Variants in WWOX observed in about 807,000 individuals in gnomAD.
WWOX encodes WW domain-containing oxidoreductase.
Under a neutral mutation model 46.2 loss-of-function variants are expected in WWOX, and 69 were observed. That is an observed-to-expected ratio of 1.49 (90% confidence interval 1.23 to 1.82). The LOEUF (loss-of-function observed/expected upper bound fraction) is 1.82. Ranked by LOEUF, WWOX falls within the 40% of genes most tolerant of loss-of-function variation. The pLI is 0.00. For synonymous variants in WWOX, 359 were observed against 202.6 expected, an observed-to-expected ratio of 1.77 and a Z score of -6.56; for missense variants, 919 against 542.6, an observed-to-expected ratio of 1.69 and a Z score of -6.89.
At chr16:78,403,655 T>C (rs949795679) in intron 6 of WWOX, among the ~76,000 whole-genome samples, 2 of 152,096 alleles carry the variant, frequency 1.3e-5, no homozygotes, top group East Asian at 1.9e-4. Flanking sequence ...ATACCAGTCA[T>C]CCCCCCTGTG....
intron 5 of WWOX, among the ~76,000 whole-genome samples, chr16:78,219,327 T>C (rs1281709092): frequency 6.6e-6 from 1 of 152,226 alleles, no homozygotes; most frequent in Admixed American, 6.5e-5. Context: ...ATTTGCGCCA[T>C]CTACTAATCT....
rs555606222 is a variant in WWOX, at chr16:78,138,190, C to G, written c.409+23036C>G. 9.3e-5 allele frequency among the ~76,000 whole-genome samples: 14 copies of G among 150,966 alleles called. 2 individuals carry two copies. The South Asian group carries it at 2.5e-3, about 27-fold the overall frequency. ...GACAACGCCAGTCCCTCTGATAATC[C>G]TGCAAGAGCCAGCCCAGTTTTGCTG... On this transcript the variant is annotated intron_variant, in intron 4 of 8. Transcript: ENST00000566780.
intron 8 of WWOX, among the ~76,000 whole-genome samples, chr16:78,708,898 T>C (rs1007971629): frequency 7.2e-5 from 11 of 152,348 alleles, no homozygotes; most frequent in African/African-American, 2.6e-4. Flanking sequence ...TTGACTGATG[T>C]GTTTCAAGAG....
chr16:78,622,900 T>C (rs2046224254), intron 8 of WWOX, among the ~76,000 whole-genome samples: 1 of 152,032 alleles, frequency 6.6e-6, no homozygotes, highest in Admixed American at 6.6e-5. Context: ...TAAGAGAGTC[T>C]CTCTCTCCAT....
At chr16:78,594,632 C>A (rs1483867219) in intron 8 of WWOX, among the ~76,000 whole-genome samples, 1 of 152,060 alleles carries the variant, frequency 6.6e-6, no homozygotes, top group African/African-American at 2.4e-5. Flanking sequence ...GGGATGATAG[C>A]CCCAGTGCAG....
At chr16:78,924,295 AG>A (rs2045448610) in intron 8 of WWOX, among the ~76,000 whole-genome samples, 1 of 152,226 alleles carries the variant, frequency 6.6e-6, no homozygotes, top group African/African-American at 2.4e-5. Flanking sequence ...TTTTAGGATT[AG>A]GAAGGCTTTT....
intron 8 of WWOX, among the ~76,000 whole-genome samples, chr16:78,795,615 C>G (rs1400009702): frequency 6.6e-6 from 1 of 152,212 alleles, no homozygotes; most frequent in Non-Finnish European, 1.5e-5. Context: ...CCACGCCTCA[C>G]TAATGGAACA....
At position 78,433,690 on chromosome 16, in the gene WWOX, G is replaced by T. The variant is rs532068585; in HGVS notation, c.1056+938G>T. Among the ~76,000 whole-genome samples, 8 of 150,736 alleles carry T rather than the reference G, an allele frequency of 5.3e-5. 1 individual carries two copies. Among genetic ancestry groups the T allele is most frequent in the Non-Finnish European group, 8.8e-5 (6 of 67,816 alleles). On this transcript the variant is annotated intron_variant, in intron 8 of 8. Transcript: ENST00000566780. ...ACTATTGCAGGCCTATTATCCTCCA[G>T]CTGATCTCACGACCTTGGAAACTGT...
intron 8 of WWOX, among the ~76,000 whole-genome samples, chr16:79,071,087 T>G (rs1019646361): frequency 6.6e-6 from 1 of 152,208 alleles, no homozygotes; most frequent in Admixed American, 6.5e-5. Flanking sequence ...CTTCTCTTTT[T>G]ATGATTCCCA....
intron 4 of WWOX, among the ~76,000 whole-genome samples, chr16:78,135,052 A>G (rs935465271): frequency 1.3e-5 from 2 of 152,194 alleles, no homozygotes; most frequent in African/African-American, 2.4e-5. Context: ...TGCCATAACA[A>G]TGCAGTCCCT....
chr16:78,385,419 T>A (rs938629411), intron 5 of WWOX, among the ~76,000 whole-genome samples: 1 of 152,218 alleles, frequency 6.6e-6, no homozygotes, highest in South Asian at 2.1e-4. Context: ...TAGGAACTTA[T>A]GAACATGTAT....
intron 8 of WWOX, among the ~76,000 whole-genome samples, chr16:78,816,392 A>G (rs1486876103): frequency 6.6e-6 from 1 of 151,710 alleles, no homozygotes; most frequent in Admixed American, 6.6e-5. Context: ...TTGTGCTTTT[A>G]ATAGATATTG....
At chr16:78,783,878 A>C (rs773607794) in intron 8 of WWOX, among the ~76,000 whole-genome samples, 7 of 74,864 alleles carry the variant, frequency 9.4e-5, no homozygotes, top group African/African-American at 4.2e-4. Flanking sequence ...GGTGATGACG[A>C]TGATAATGGT....
intron 8 of WWOX, among the ~76,000 whole-genome samples, chr16:79,123,238 T>A (rs1338797126): frequency 2.6e-5 from 4 of 151,984 alleles, no homozygotes; most frequent in Admixed American, 6.6e-5. Context: ...GGCAATTGCC[T>A]GACTCTGTCC....
intron 5 of WWOX, among the ~76,000 whole-genome samples, chr16:78,382,009 G>A (rs192894379): frequency 6.6e-6 from 1 of 152,268 alleles, no homozygotes; most frequent in African/African-American, 2.4e-5. Context: ...GGTGCATGCT[G>A]CTATGCCCAG....
At position 78,863,501 on chromosome 16, in the gene WWOX, C is replaced by A. The variant is rs8054201; in HGVS notation, c.1057-348107C>A. ...GAGAGTCACCAATGGACCACTGGTC[C>A]CTGCTGATTTAGTGTCACAGCTCAA... On this transcript the variant is annotated intron_variant, in intron 8 of 8. Transcript: ENST00000566780. Among the ~76,000 whole-genome samples the A allele has an allele frequency of 3.2e-4, 49 of 152,064 alleles. No individual in the cohort carries two copies. In the South Asian group the frequency reaches 3.9e-3, roughly 12 times the overall value.
intron 8 of WWOX, among the ~76,000 whole-genome samples, chr16:78,762,395 C>G (rs1040348625): frequency 1.3e-5 from 2 of 152,202 alleles, no homozygotes; most frequent in African/African-American, 4.8e-5. Flanking sequence ...CTCTTGGTGA[C>G]TCGTGTGTAC....
At chr16:78,920,139 G>A (rs1269607697) in intron 8 of WWOX, among the ~76,000 whole-genome samples, 1 of 152,108 alleles carries the variant, frequency 6.6e-6, no homozygotes, top group Non-Finnish European at 1.5e-5. Context: ...AGCTGGCTCT[G>A]CTTGCTCTTG....
intron 8 of WWOX, among the ~76,000 whole-genome samples, chr16:78,909,190 A>G (rs1359857262): frequency 2.0e-5 from 3 of 152,148 alleles, no homozygotes; most frequent in African/African-American, 7.2e-5. Flanking sequence ...CTCCGTTATA[A>G]TTTTTGCAAA....
Sources: gnomAD v4.1 joint callset for allele counts (sites outside exome capture counted in the v4.1 genomes callset) on GRCh38, gnomAD v4.1.1 for gene constraint, MANE v1.5 for transcripts, NCBI Gene and HGNC (gene_info 2026-07-23, HGNC 2026-07-21) for gene names.